Variants in CSMD2 observed in about 807,000 individuals in gnomAD.
The protein encoded by CSMD2 is CUB and sushi domain-containing protein 2.
In CSMD2, 130 loss-of-function variants were observed where a neutral mutation model predicts 398.5. That is an observed-to-expected ratio of 0.33 (90% CI 0.28 to 0.38). CSMD2 has a LOEUF of 0.38. Ranked by LOEUF, CSMD2 falls within the 10% of genes least tolerant of loss-of-function variation. The pLI is 1.00. For missense variants in CSMD2, 3,829 were observed against 4,764.9 expected, an observed-to-expected ratio of 0.80 and a Z score of 5.78; for synonymous variants, 1,828 against 1,908.5, an observed-to-expected ratio of 0.96 and a Z score of 1.10.
At position 33,573,231 on chromosome 1, in the gene CSMD2, T is replaced by C. The variant is rs138517809; in HGVS notation, c.7577-540A>G. Among the ~76,000 whole-genome samples the C allele has an allele frequency of 4.6e-3, 700 of 152,342 alleles. 7 individuals are homozygous for C. The highest frequency in any genetic ancestry group is 0.016 in the African/African-American group (660 of 41,580). ...GAGAGACTTTGTGGACCAAGATATC[T>C]GTATATAAAAATAACAAACGTAATC... On this transcript the variant is annotated intron_variant, in intron 49 of 70. Transcript: ENST00000373381.
At chr1:33,850,484 T>A (rs1049030035) in intron 5 of CSMD2, among the ~76,000 whole-genome samples, 4 of 152,224 alleles carry the variant, frequency 2.6e-5, no homozygotes, top group Non-Finnish European at 5.9e-5. Flanking sequence ...CACATGTACA[T>A]GCAAGCATGA....
chr1:34,045,027 A>T (rs1284211796), intron 2 of CSMD2, among the ~76,000 whole-genome samples: 3 of 126,234 alleles, frequency 2.4e-5, no homozygotes, highest in Non-Finnish European at 4.9e-5. Flanking sequence ...ATTAGTCATA[A>T]TCACACACCA....
In CSMD2 at chr1:33,929,938, C is replaced by T. The variant is rs74069849; in HGVS notation, c.712+5822G>A. Among the ~76,000 whole-genome samples the T allele has an allele frequency of 1.8e-3, 279 of 152,284 alleles. 2 individuals are homozygous for T. Among genetic ancestry groups the T allele is most frequent in the African/African-American group, 6.3e-3 (263 of 41,562 alleles). On this transcript the variant is annotated intron_variant, in intron 4 of 70. Transcript: ENST00000373381. ...CCACAGAGGCCTCCCCTGACTGCTC[C>T]GTCTAAAGTAGCCTTCCCCATCACT... is the stretch of plus-strand genomic sequence containing the variant.
At chr1:33,662,843 A>G (rs377086852) in intron 26 of CSMD2, 47 bp downstream of exon 26, 178 of 1,550,104 alleles carry the variant, frequency 1.1e-4, no homozygotes, top group Admixed American at 5.5e-4. Context: ...GGTGGGTGCC[A>G]TGTGTCAGGA....
chr1:33,570,967 C>A (rs943088280), intron 51 of CSMD2, among the ~76,000 whole-genome samples: 1 of 152,182 alleles, frequency 6.6e-6, no homozygotes, highest in African/African-American at 2.4e-5. Context: ...CTCAAGAGCA[C>A]CCCCTAATAA....
chr1:34,062,098 T>C (rs1654581236), intron 2 of CSMD2, among the ~76,000 whole-genome samples: 1 of 152,224 alleles, frequency 6.6e-6, no homozygotes, highest in East Asian at 1.9e-4. Context: ...GCAGGATACA[T>C]GTGGCTCTTT....
At chr1:34,012,134 G>A (rs990795638) in intron 3 of CSMD2, among the ~76,000 whole-genome samples, 2 of 152,038 alleles carry the variant, frequency 1.3e-5, no homozygotes, top group East Asian at 3.9e-4. Flanking sequence ...CAGCCTCTCC[G>A]ATTCCACCAT....
In CSMD2 at chr1:33,635,116, G is replaced by C; in HGVS notation, c.5086+98C>G. 1.4e-6 allele frequency: 1 copy of C among 730,566 alleles called. No homozygotes were observed. Among genetic ancestry groups the C allele is most frequent in the Non-Finnish European group, 2.4e-6 (1 of 413,634 alleles). The allele number at this position is 730,566 out of a possible 1,614,324, so 45.3% of individuals were successfully genotyped here. A position where few individuals can be genotyped will look rare whatever the true frequency, so the allele number is the denominator to read the frequency against. ...AGACTGTTCTGCGATTCCCACAATG[G>C]GGCTGTATATAATTGGGAGGCGTCT... On this transcript the variant is annotated intron_variant, in intron 31 of 70. Transcript: ENST00000373381. The surrounding 1 kb of genome is among the most constrained non-coding windows in gnomAD (Gnocchi z 5.0).
At chr1:33,864,104 A>T in intron 5 of CSMD2, 1 of 1,306,922 alleles carries the variant, frequency 7.7e-7, no homozygotes, top group Non-Finnish European at 1.1e-6. Flanking sequence ...CTGCAAGTAC[A>T]GCACTTTCTA....
At chr1:33,813,619 T>C (rs1309439061) in intron 9 of CSMD2, among the ~76,000 whole-genome samples, 1 of 151,166 alleles carries the variant, frequency 6.6e-6, no homozygotes, top group Non-Finnish European at 1.5e-5. Flanking sequence ...GACATTATCA[T>C]ATAATGGGAA....
In CSMD2 at chr1:33,521,456, T is replaced by G; in HGVS notation, c.10597+7A>C. The G allele has an allele frequency of 2.6e-6, 3 of 1,172,210 alleles. No individual in the cohort carries two copies. Among genetic ancestry groups the G allele is most frequent in the Non-Finnish European group, 3.7e-6 (3 of 811,080 alleles). 72.6% of individuals were successfully genotyped at this position (1,172,210 alleles called of 1,614,324 possible). A position where few individuals can be genotyped will look rare whatever the true frequency, so the allele number is the denominator to read the frequency against. ...GCCCACACTTCCGGGGGACAAGCACTAGTTACCCAGTCTTTGAAAGCCGAA... is the reference window on the plus strand; with the variant it reads ...GCCCACACTTCCGGGGGACAAGCACGAGTTACCCAGTCTTTGAAAGCCGAA... On this transcript the variant is annotated splice_region_variant and intron_variant, in intron 68 of 70. Coordinates refer to ENST00000373381, the MANE Select transcript of CSMD2 (RefSeq NM_001281956.2).
At chr1:33,884,440 C>CA (rs139416005) in intron 5 of CSMD2, 6,578 of 152,404 alleles carry the variant, frequency 0.043, 245 homozygotes, top group East Asian at 0.074. Context: ...CAAGGGCTGA[C>CA]AGCCATCTTA....
intron 55 of CSMD2, among the ~76,000 whole-genome samples, chr1:33,550,647 T>A (rs1466700909): frequency 6.6e-6 from 1 of 152,226 alleles, no homozygotes; most frequent in Non-Finnish European, 1.5e-5. Context: ...TATTTCCTCA[T>A]ACTCATGATG....
chr1:34,071,902 A>G (rs535417280), intron 2 of CSMD2, among the ~76,000 whole-genome samples: 93 of 152,384 alleles, frequency 6.1e-4, no homozygotes, highest in African/African-American at 2.2e-3. Context: ...GCATCATTCA[A>G]TCACACAATT....
At chr1:33,596,931 C>T (rs963324204) in intron 44 of CSMD2, among the ~76,000 whole-genome samples, 2 of 152,134 alleles carry the variant, frequency 1.3e-5, no homozygotes, top group African/African-American at 4.8e-5. Flanking sequence ...TTGGCCAGAT[C>T]TTTCTTTTCA....
chr1:33,613,134 G>A (rs545733553), intron 40 of CSMD2, among the ~76,000 whole-genome samples: 6 of 152,304 alleles, frequency 3.9e-5, no homozygotes, highest in Middle Eastern at 3.4e-3. Flanking sequence ...TAGGGACCTC[G>A]GCAGAATCCA....
chr1:33,847,470 C>G (rs1050319689), intron 5 of CSMD2, among the ~76,000 whole-genome samples: 1 of 151,894 alleles, frequency 6.6e-6, no homozygotes, highest in African/African-American at 2.4e-5. Flanking sequence ...CCAGGTTTCA[C>G]CAGTGTGACC....
chr1:33,564,813 A>G (rs1318697843), intron 53 of CSMD2, among the ~76,000 whole-genome samples: 4 of 152,248 alleles, frequency 2.6e-5, no homozygotes, highest in Non-Finnish European at 5.9e-5. Flanking sequence ...AAAAGCCAAA[A>G]GAAGAATTAA....
intron 4 of CSMD2, among the ~76,000 whole-genome samples, chr1:33,932,931 G>A (rs188732854): frequency 7.2e-5 from 11 of 152,184 alleles, no homozygotes; most frequent in Admixed American, 2.0e-4. Flanking sequence ...GCACCAAGGT[G>A]GAAGAGGCTG....
Sources: allele counts gnomAD v4.1 joint callset (sites outside exome capture counted in the v4.1 genomes callset), GRCh38; gene constraint gnomAD v4.1.1; non-coding constraint Gnocchi (gnomAD v3.1); transcripts MANE v1.5; gene names NCBI Gene and HGNC (gene_info 2026-07-23, HGNC 2026-07-21).